The following CD2AP variants were observed in gnomAD, a reference collection of about 807,000 sequenced individuals.
CD2AP encodes the protein CD2-associated protein.
A neutral mutation model predicts 85.1 loss-of-function variants in CD2AP; 46 were observed. The observed-to-expected ratio is 0.54, with a 90% confidence interval of 0.43 to 0.69. The LOEUF is 0.69. CD2AP is among the 30% of genes least tolerant of loss of function. The pLI, the probability that CD2AP is intolerant of heterozygous loss-of-function variation, is 0.00. For synonymous variants in CD2AP, 255 were observed against 252.9 expected (o/e 1.01, Z -0.08); for missense variants, 769 against 729.5 (o/e 1.05, Z -0.62).
At chr6:47,583,444 T>C (rs1281358172) in intron 11 of CD2AP, among the ~76,000 whole-genome samples, 1 of 152,190 alleles carries the variant, frequency 6.6e-6, no homozygotes, top group Non-Finnish European at 1.5e-5. Context: ...CCTTCAACCC[T>C]TGTCAACCAT....
At chr6:47,618,444 G>A (rs562754840) in intron 17 of CD2AP, among the ~76,000 whole-genome samples, 1 of 152,176 alleles carries the variant, frequency 6.6e-6, no homozygotes, top group Admixed American at 6.5e-5. Context: ...AGACTGTAAG[G>A]TTGTTTGGGT....
At chr6:47,499,795 C>T (rs561068905) in intron 1 of CD2AP, among the ~76,000 whole-genome samples, 1 of 152,268 alleles carries the variant, frequency 6.6e-6, no homozygotes, top group African/African-American at 2.4e-5. Flanking sequence ...GTGGCACGAC[C>T]TCGGCTCACT....
chr6:47,615,754 GCT>G (rs769052415), intron 17 of CD2AP, among the ~76,000 whole-genome samples: 7 of 149,972 alleles, frequency 4.7e-5, no homozygotes, highest in Non-Finnish European at 7.4e-5. Flanking sequence ...CAGCAATGGA[GCT>G]GAAATTTAAT....
chr6:47,562,028 T>A (rs1235988806), intron 5 of CD2AP, among the ~76,000 whole-genome samples: 2 of 152,226 alleles, frequency 1.3e-5, no homozygotes, highest in Non-Finnish European at 2.9e-5. Context: ...CCTCTTAAAG[T>A]ACTGGGATTA....
intron 2 of CD2AP, among the ~76,000 whole-genome samples, chr6:47,513,583 AT>A (rs1218168588): frequency 6.6e-6 from 1 of 152,060 alleles, no homozygotes; most frequent in Non-Finnish European, 1.5e-5. Flanking sequence ...AAGACTGCAC[AT>A]ACAGTATTAT....
chr6:47,565,776 A>G (rs1224714712), intron 5 of CD2AP, among the ~76,000 whole-genome samples: 2 of 152,184 alleles, frequency 1.3e-5, no homozygotes, highest in East Asian at 3.8e-4. Flanking sequence ...CTATCCTGGT[A>G]TAAGTTATCT....
At chr6:47,533,865 A>G (rs1207273077) in intron 3 of CD2AP, 110 bp downstream of exon 3, 25 of 1,086,220 alleles carry the variant, frequency 2.3e-5, no homozygotes, top group Non-Finnish European at 2.9e-5. Context: ...AACTACAGTA[A>G]CTTCCTGCAA....
chr6:47,617,002 C>CT (rs1467210043), intron 17 of CD2AP, among the ~76,000 whole-genome samples: 5 of 152,142 alleles, frequency 3.3e-5, no homozygotes, highest in Admixed American at 6.6e-5. Flanking sequence ...GGGAGTCACT[C>CT]TGTCACCCAG....
rs763973953 is a variant in CD2AP, at chr6:47,609,285, G to T, written c.1795G>T (p.Ala599Ser). ...TATTGAATTGTTGTGCATTGTAGAA[G>T]CACTGAAAAAGGATCACGGGTAAGT... ...QIIELLCIVE[A>S]LKKDHGKELE... The change falls in exon 16 of 18, where the codon GCA (alanine) becomes TCA (serine). Residue 599 changes from alanine to serine, a missense_variant. By Grantham distance (99) the Ala-to-Ser change is moderately conservative. Coordinates refer to ENST00000359314, the MANE Select transcript of CD2AP (RefSeq NM_012120.3). 6.2e-7 allele frequency: 1 copy of T among 1,613,400 alleles called. No individual in the cohort carries two copies. The highest frequency in any genetic ancestry group is 8.5e-7 in the Non-Finnish European group (1 of 1,179,622).
At chr6:47,615,940 C>T (rs1483997552) in intron 17 of CD2AP, among the ~76,000 whole-genome samples, 6 of 151,298 alleles carry the variant, frequency 4.0e-5, no homozygotes, top group East Asian at 1.9e-4. Flanking sequence ...CCACCACACC[C>T]GGCTAGTTTT....
At chr6:47,540,028 C>G (rs1767165060) in intron 3 of CD2AP, among the ~76,000 whole-genome samples, 2 of 145,594 alleles carry the variant, frequency 1.4e-5, no homozygotes, top group African/African-American at 2.5e-5. Context: ...AAAAAAAATA[C>G]AAAAATTAGC....
At chr6:47,525,111 A>G (rs1766688389) in intron 2 of CD2AP, among the ~76,000 whole-genome samples, 1 of 152,066 alleles carries the variant, frequency 6.6e-6, no homozygotes, top group Non-Finnish European at 1.5e-5. Flanking sequence ...ATGGTAGGCC[A>G]TTTTGTTAGG....
intron 13 of CD2AP, among the ~76,000 whole-genome samples, chr6:47,603,639 A>G (rs1215420979): frequency 1.3e-5 from 2 of 152,124 alleles, no homozygotes; most frequent in Non-Finnish European, 2.9e-5. Flanking sequence ...AAATAGTTAT[A>G]TGCCAAACAT....
At chr6:47,529,948 CAGA>C (rs1260886745) in intron 2 of CD2AP, among the ~76,000 whole-genome samples, 1 of 152,174 alleles carries the variant, frequency 6.6e-6, no homozygotes, top group Non-Finnish European at 1.5e-5. Context: ...CTTCATTCCT[CAGA>C]AGCTCTGTGC....
intron 2 of CD2AP, among the ~76,000 whole-genome samples, chr6:47,506,800 AG>A (rs1766182735): frequency 3.6e-4 from 1 of 2,756 alleles, no homozygotes; most frequent in Non-Finnish European, 7.3e-4. Context: ...AGACGGAGGG[AG>A]AGGGAGAGGG....
At chr6:47,587,709 A>G (rs561235374) in intron 11 of CD2AP, among the ~76,000 whole-genome samples, 1 of 152,308 alleles carries the variant, frequency 6.6e-6, no homozygotes, top group East Asian at 1.9e-4. Flanking sequence ...GAATGCAAGT[A>G]GGGAGGCATG....
intron 9 of CD2AP, chr6:47,579,761 C>A: frequency 2.9e-6 from 1 of 339,374 alleles, no homozygotes; most frequent in Non-Finnish European, 5.4e-6. Flanking sequence ...ATCCTAATAA[C>A]ATAAATTAGT....
intron 2 of CD2AP, among the ~76,000 whole-genome samples, chr6:47,529,717 C>G (rs370855299): frequency 1.8e-4 from 27 of 152,298 alleles, no homozygotes; most frequent in East Asian, 7.7e-4. Flanking sequence ...TTTATGTCAA[C>G]TAGCCTATGC....
chr6:47,505,011 C>CTTTTTTTTTTTTTTTTTTTTTTTTT (rs58060161), intron 2 of CD2AP, among the ~76,000 whole-genome samples: 1 of 95,138 alleles, frequency 1.1e-5, no homozygotes, highest in African/African-American at 4.2e-5. Context: ...GTGGCAGTTT[C>CTTTTTTTTTTTTTTTTTTTTTTTTT]TTTTTTTTTT....
Sources: allele counts gnomAD v4.1 joint callset (sites outside exome capture counted in the v4.1 genomes callset), GRCh38; gene constraint gnomAD v4.1.1; transcripts MANE v1.5; gene names NCBI Gene and HGNC (gene_info 2026-07-23, HGNC 2026-07-21).